Variants in DMAC1 observed in about 807,000 individuals in gnomAD.
DMAC1 encodes distal membrane arm assembly component 1.
Under a neutral mutation model 7.0 loss-of-function variants are expected in DMAC1, and 10 were observed. That is an observed-to-expected ratio of 1.43 (90% confidence interval 0.88 to 2.43). DMAC1 has a LOEUF of 2.43. DMAC1 is among the 30% of genes most tolerant of loss of function. The pLI, the probability that DMAC1 is intolerant of heterozygous loss-of-function variation, is 0.00. For synonymous variants in DMAC1, 92 were observed against 66.2 expected, an observed-to-expected ratio of 1.39 and a Z score of -1.90; for missense variants, 219 against 158.7, an observed-to-expected ratio of 1.38 and a Z score of -2.04.
Position 7,799,703 on chromosome 9 carries a change from G to C in DMAC1, c.32C>G (p.Ser11Cys). Residue 11 changes from serine (S) to cysteine (C), a missense_variant, in exon 1 of 2, where the codon TCC (serine) becomes TGC (cysteine). Transcript: ENST00000358227. MGSRLSQPFESYITAPPGTAA... is the reference protein window; with the variant it reads MGSRLSQPFECYITAPPGTAA... ...GGTACCGGGAGGCGCAGTGATATAG[G>C]ACTCAAAAGGCTGGGACAACCGAGA... The C allele has an allele frequency of 5.1e-6, 8 of 1,573,840 alleles. No individual in the cohort carries two copies. The highest frequency in any genetic ancestry group is 6.9e-6 in the Non-Finnish European group (8 of 1,163,652).
In DMAC1 at chr9:7,799,611, G is replaced by A. The variant is rs778399806; in HGVS notation, c.124C>T (p.Arg42Cys). ...PGAPTSPAEH[R>C]LLKTCWSCRV... is the part of the protein sequence containing the mutation. ...CAGCTCCAGCAGGTCTTCAACAGGCGGTGTTCTGCTGGGGAGGTCGGCGCT... is the reference window on the plus strand; with the variant it reads ...CAGCTCCAGCAGGTCTTCAACAGGCAGTGTTCTGCTGGGGAGGTCGGCGCT... The change falls in exon 1 of 2, where the codon CGC (arginine) becomes TGC (cysteine). Residue 42 changes from arginine (R) to cysteine (C), a missense_variant. Arg to Cys is a radical substitution (Grantham distance 180). Coordinates refer to ENST00000358227, the MANE Select transcript of DMAC1 (RefSeq NM_033428.3). 17 of 1,613,336 alleles carry A rather than the reference G, an allele frequency of 1.1e-5. 1 individual carries two copies. In the Admixed American group the frequency reaches 2.5e-4, roughly 24 times the overall value.
intron 1 of DMAC1, 136 bp downstream of exon 1, chr9:7,799,325 C>G: frequency 8.4e-7 from 1 of 1,197,194 alleles, no homozygotes; most frequent in South Asian, 1.5e-5. Flanking sequence ...CCTCTCCCAC[C>G]TTGTTTGAGG....
Position 7,799,736 on chromosome 9 carries a change from C to A in DMAC1, c.-2G>T, listed in dbSNP as rs574961082. The A allele has an allele frequency of 1.6e-5, 25 of 1,519,132 alleles. No individual in the cohort carries two copies. The highest frequency in any genetic ancestry group is 1.4e-4 in the South Asian group (11 of 80,014). The allele number at this position is 1,519,132 out of a possible 1,614,324, so 94.1% of individuals were successfully genotyped here. On this transcript the variant is annotated 5_prime_UTR_variant, in exon 1 of 2. Transcript: ENST00000358227. Reference sequence around the variant, plus strand: ...AGGCTGGGACAACCGAGACCCCATGCTCTGGAACTCGGCCTCAACCTTGGG... The same window carrying A: ...AGGCTGGGACAACCGAGACCCCATGATCTGGAACTCGGCCTCAACCTTGGG...
Position 7,799,690 on chromosome 9 carries a change from C to G in DMAC1, c.45G>C (p.Ala15=). ...LSQPFESYIT[A]PPGTAAAPAK... The stretch of plus-strand genomic sequence containing the variant: ...CGGGCGCGGCGGCGGTACCGGGAGG[C>G]GCAGTGATATAGGACTCAAAAGGCT... Residue 15 remains alanine, a synonymous_variant, in exon 1 of 2, where the codon GCG becomes GCC. Coordinates refer to ENST00000358227, the MANE Select transcript of DMAC1 (RefSeq NM_033428.3). The G allele has an allele frequency of 6.3e-7, 1 of 1,595,158 alleles. No individual in the cohort carries two copies. Among genetic ancestry groups the G allele is most frequent in the South Asian group, 1.1e-5 (1 of 88,508 alleles).
chr9:7,798,581 C>G lies in DMAC1; in HGVS notation c.331G>C (p.Val111Leu), dbSNP rs371607535. ...ATTCACTGGTGGTACTTTCAAACAA[C>G]GCGGTAGGCCTTCCCTTTGGGGTCT... ...MADPKGKAYRVV is the reference protein window; with the variant it reads ...MADPKGKAYRLV The change falls in exon 2 of 2, where the codon GTT becomes CTT. Residue 111 changes from valine to leucine, a missense_variant. Val to Leu is a conservative substitution (Grantham distance 32). Coordinates refer to ENST00000358227, the MANE Select transcript of DMAC1 (RefSeq NM_033428.3). 4 of 1,612,562 alleles carry G rather than the reference C, an allele frequency of 2.5e-6. No homozygotes were observed. The highest frequency in any genetic ancestry group is 3.4e-6 in the Non-Finnish European group (4 of 1,179,082).
At position 7,799,720 on chromosome 9, in the gene DMAC1, C is replaced by A; in HGVS notation, c.15G>T (p.Leu5Phe). The A allele has an allele frequency of 1.3e-6, 2 of 1,543,094 alleles. No individual in the cohort carries two copies. Among genetic ancestry groups the A allele is most frequent in the African/African-American group, 2.7e-5 (2 of 73,226 alleles). Residue 5 changes from leucine to phenylalanine, a missense_variant, in exon 1 of 2, where the codon TTG becomes TTT. Coordinates refer to ENST00000358227, the MANE Select transcript of DMAC1 (RefSeq NM_033428.3). The stretch of plus-strand genomic sequence containing the variant: ...TGATATAGGACTCAAAAGGCTGGGA[C>A]AACCGAGACCCCATGCTCTGGAACT... MGSR[L>F]SQPFESYITA...
chr9:7,799,460 C>A lies in DMAC1; in HGVS notation c.274+1G>T. ...CCCAAGTGCTGTGCCTTGATTCTCACTGAGGCCGATGACCATCTGCGTAAT... is the reference window on the plus strand; with the variant it reads ...CCCAAGTGCTGTGCCTTGATTCTCAATGAGGCCGATGACCATCTGCGTAAT... On this transcript the variant is annotated splice_donor_variant, in intron 1 of 1. Coordinates refer to ENST00000358227, the MANE Select transcript of DMAC1 (RefSeq NM_033428.3). LOFTEE classifies it high-confidence loss of function. The A allele has an allele frequency of 6.2e-7, 1 of 1,612,570 alleles. No homozygotes were observed. Among genetic ancestry groups the A allele is most frequent in the Non-Finnish European group, 8.5e-7 (1 of 1,179,994 alleles).
chr9:7,797,507 A>G lies in DMAC1; in HGVS notation c.*1066T>C, dbSNP rs1300014474. 2 of 152,188 alleles carry G rather than the reference A, an allele frequency of 1.3e-5. No homozygotes were observed. The highest frequency in any genetic ancestry group is 2.9e-5 in the Non-Finnish European group (2 of 68,026). 9.4% of individuals were successfully genotyped at this position (152,188 alleles called of 1,614,324 possible). A position where few individuals can be genotyped will look rare whatever the true frequency, so the allele number is the denominator to read the frequency against. ...CAAATACACTATGATTAGCAGCTGA[A>G]TTTAACAGTATCTTTCCGCTTTGAA... On this transcript the variant is annotated 3_prime_UTR_variant, in exon 2 of 2. Transcript: ENST00000358227.
chr9:7,799,453 A>AT lies in DMAC1; in HGVS notation c.274+7dup. ...CAACCCGCCCAAGTGCTGTGCCTTG[A>AT]TTCTCACTGAGGCCGATGACCATCT... On this transcript the variant is annotated splice_region_variant and intron_variant, in intron 1 of 1. Transcript: ENST00000358227. 1 of 1,612,158 alleles carries AT rather than the reference A, an allele frequency of 6.2e-7. No homozygotes were observed. The highest frequency in any genetic ancestry group is 8.5e-7 in the Non-Finnish European group (1 of 1,179,914).
At position 7,799,508 on chromosome 9, in the gene DMAC1, C is replaced by G. The variant is rs1164231769; in HGVS notation, c.227G>C (p.Gly76Ala). ...YWVARKPMKMGYPPSPWTITQ... is the reference protein window; with the variant it reads ...YWVARKPMKMAYPPSPWTITQ... ...AATGGTCCATGGACTCGGGGGGTAT[C>G]CCATCTTCATGGGCTTCCGTGCCAC... Residue 76 changes from glycine (G) to alanine (A), a missense_variant, in exon 1 of 2, where the codon GGA becomes GCA. Coordinates refer to ENST00000358227, the MANE Select transcript of DMAC1 (RefSeq NM_033428.3). 2 of 1,613,510 alleles carry G rather than the reference C, an allele frequency of 1.2e-6. No homozygotes were observed. Among genetic ancestry groups the G allele is most frequent in the East Asian group, 2.2e-5 (1 of 44,854 alleles).
At position 7,798,220 on chromosome 9, in the gene DMAC1, A is replaced by C. The variant is rs2129798351; in HGVS notation, c.*353T>G. ...TATATAACTAAACATATTTATGTTTATTATATATAATATGACATGCAATTA... is the reference window on the plus strand; with the variant it reads ...TATATAACTAAACATATTTATGTTTCTTATATATAATATGACATGCAATTA... On this transcript the variant is annotated 3_prime_UTR_variant, in exon 2 of 2. Transcript: ENST00000358227. 6.0e-6 allele frequency: 1 copy of C among 167,718 alleles called. No individual in the cohort carries two copies. The highest frequency in any genetic ancestry group is 1.6e-4 in the East Asian group (1 of 6,214). The allele number at this position is 167,718 out of a possible 1,614,324, so 10.4% of individuals were successfully genotyped here.
rs58868199 is a variant in DMAC1, at chr9:7,797,404, T to A, written c.*1169A>T. 6.6e-6 allele frequency: 1 copy of A among 152,218 alleles called. No individual in the cohort carries two copies. The highest frequency in any genetic ancestry group is 6.5e-5 in the Admixed American group (1 of 15,282). The allele number at this position is 152,218 out of a possible 1,614,324, so 9.4% of individuals were successfully genotyped here. A position where few individuals can be genotyped will look rare whatever the true frequency, so the allele number is the denominator to read the frequency against. ...TTCTAAAGTCATCTGTGAGGCTAAATAGACTTAGGCACTTCCACATAATGC... is the reference window on the plus strand; with the variant it reads ...TTCTAAAGTCATCTGTGAGGCTAAAAAGACTTAGGCACTTCCACATAATGC... On this transcript the variant is annotated 3_prime_UTR_variant, in exon 2 of 2. Coordinates refer to ENST00000358227, the MANE Select transcript of DMAC1 (RefSeq NM_033428.3).
rs1280397616 is a variant in DMAC1 at position 7,799,503 on chromosome 9, G to T, written c.232C>A (p.Pro78Thr). 2 of 1,613,290 alleles carry T rather than the reference G, an allele frequency of 1.2e-6. No individual in the cohort carries two copies. The highest frequency in any genetic ancestry group is 2.2e-5 in the South Asian group (2 of 91,020). The change falls in exon 1 of 2, where the codon CCC (proline) becomes ACC (threonine). Residue 78 changes from proline to threonine, a missense_variant. By Grantham distance (38) the Pro-to-Thr change is conservative. Transcript: ENST00000358227. ...TGCGTAATGGTCCATGGACTCGGGGGGTATCCCATCTTCATGGGCTTCCGT... is the reference window on the plus strand; with the variant it reads ...TGCGTAATGGTCCATGGACTCGGGGTGTATCCCATCTTCATGGGCTTCCGT... Reference protein sequence around the residue: ...VARKPMKMGYPPSPWTITQMV... With the variant: ...VARKPMKMGYTPSPWTITQMV...
chr9:7,798,172 A>C lies in DMAC1; in HGVS notation c.*401T>G, dbSNP rs1318558448. 1 of 154,224 alleles carries C rather than the reference A, an allele frequency of 6.5e-6. No homozygotes were observed. The highest frequency in any genetic ancestry group is 2.4e-5 in the African/African-American group (1 of 41,508). 9.6% of individuals were successfully genotyped at this position (154,224 alleles called of 1,614,324 possible). On this transcript the variant is annotated 3_prime_UTR_variant, in exon 2 of 2. Coordinates refer to ENST00000358227, the MANE Select transcript of DMAC1 (RefSeq NM_033428.3). ...GTTGGTTTACCATATGCTGTATTTA[A>C]AAGTTTTAAAAATTATACTAACTAT... is the stretch of plus-strand genomic sequence containing the variant.
intron 1 of DMAC1, 131 bp from the exon 2 acceptor site, chr9:7,798,768 G>A: frequency 1.4e-6 from 1 of 697,166 alleles, no homozygotes; most frequent in Non-Finnish European, 2.2e-6. Context: ...TTTCTTATAA[G>A]GCAAGTGAAG....
chr9:7,799,748 G>C lies in DMAC1; in HGVS notation c.-14C>G. 1.3e-6 allele frequency: 2 copies of C among 1,508,322 alleles called. No homozygotes were observed. The highest frequency in any genetic ancestry group is 1.3e-5 in the South Asian group (1 of 77,952). 93.4% of individuals were successfully genotyped at this position (1,508,322 alleles called of 1,614,324 possible). On this transcript the variant is annotated 5_prime_UTR_variant, in exon 1 of 2. Transcript: ENST00000358227. ...CCGAGACCCCATGCTCTGGAACTCG[G>C]CCTCAACCTTGGGCGTCTTTGGTTC...
In DMAC1 at chr9:7,796,981, G is replaced by GT. The variant is rs1388852006; in HGVS notation, c.*1591dup. The GT allele has an allele frequency of 6.6e-6, 1 of 152,158 alleles. No individual in the cohort carries two copies. The highest frequency in any genetic ancestry group is 2.4e-5 in the African/African-American group (1 of 41,410). 9.4% of individuals were successfully genotyped at this position (152,158 alleles called of 1,614,324 possible). On this transcript the variant is annotated 3_prime_UTR_variant, in exon 2 of 2. Transcript: ENST00000358227. ...AATGTTCAGCGCTCTTAACTCCTGT[G>GT]TTGTCCAAGGGTCAACTGTATATAT...
In DMAC1 at chr9:7,799,727, G is replaced by A. The variant is rs753088927; in HGVS notation, c.8C>T (p.Ser3Phe). 3 of 1,535,638 alleles carry A rather than the reference G, an allele frequency of 2.0e-6. No individual in the cohort carries two copies. Among genetic ancestry groups the A allele is most frequent in the Admixed American group, 3.9e-5 (2 of 51,860 alleles). ...GGACTCAAAAGGCTGGGACAACCGA[G>A]ACCCCATGCTCTGGAACTCGGCCTC... is the stretch of plus-strand genomic sequence containing the variant. MG[S>F]RLSQPFESYI... Residue 3 changes from serine to phenylalanine, a missense_variant, in exon 1 of 2, where the codon TCT becomes TTT. By Grantham distance (155) the Ser-to-Phe change is radical (BLOSUM62 -2). Coordinates refer to ENST00000358227, the MANE Select transcript of DMAC1 (RefSeq NM_033428.3).
In DMAC1 at chr9:7,798,497, C is replaced by G; in HGVS notation, c.*76G>C. ...ATGTACAAGTGTCTGTCCAGAACAC[C>G]CATTAAATTCCATGCCTGCTGTGTG... On this transcript the variant is annotated 3_prime_UTR_variant, in exon 2 of 2. Coordinates refer to ENST00000358227, the MANE Select transcript of DMAC1 (RefSeq NM_033428.3). 1 of 1,458,930 alleles carries G rather than the reference C, an allele frequency of 6.9e-7. No individual in the cohort carries two copies. Among genetic ancestry groups the G allele is most frequent in the Non-Finnish European group, 9.6e-7 (1 of 1,038,142 alleles). The allele number at this position is 1,458,930 out of a possible 1,614,324, so 90.4% of individuals were successfully genotyped here.
Sources: allele counts gnomAD v4.1 joint callset, GRCh38; gene constraint gnomAD v4.1.1; transcripts MANE v1.5; gene names NCBI Gene and HGNC (gene_info 2026-07-23, HGNC 2026-07-21).